The following ST6GALNAC3 variants were observed in gnomAD, a reference collection of about 807,000 sequenced individuals.
ST6GALNAC3 encodes the protein alpha-N-acetylgalactosaminide alpha-2,6-sialyltransferase 3.
In ST6GALNAC3, 25 loss-of-function variants were observed where a neutral mutation model predicts 32.7. That is an observed-to-expected ratio of 0.76 (90% CI 0.56 to 1.07). The LOEUF (loss-of-function observed/expected upper bound fraction) is 1.07. ST6GALNAC3 is among the 50% of genes least tolerant of loss of function. The probability of loss-of-function intolerance (pLI) is 0.00; values close to 1 mark genes in which losing one functional copy is unlikely to be tolerated. For synonymous variants in ST6GALNAC3, 129 were observed against 133.1 expected, an observed-to-expected ratio of 0.97 and a Z score of 0.21; for missense variants, 355 against 382.4, an observed-to-expected ratio of 0.93 and a Z score of 0.60.
intron 1 of ST6GALNAC3, among the ~76,000 whole-genome samples, chr1:76,095,849 G>C (rs562171011): frequency 1.3e-5 from 2 of 152,182 alleles, no homozygotes; most frequent in South Asian, 4.2e-4. Flanking sequence ...TCCCCTCAGG[G>C]CTGAATGAAA....
intron 2 of ST6GALNAC3, among the ~76,000 whole-genome samples, chr1:76,383,235 C>T (rs1416110811): frequency 6.6e-6 from 1 of 151,926 alleles, no homozygotes; most frequent in Non-Finnish European, 1.5e-5. Context: ...TTGTAAACAG[C>T]AAACCCACAT....
At chr1:76,188,452 A>G (rs953135615) in intron 1 of ST6GALNAC3, among the ~76,000 whole-genome samples, 2 of 152,168 alleles carry the variant, frequency 1.3e-5, no homozygotes, top group Admixed American at 6.5e-5. Context: ...CCCATGTACT[A>G]TTGGACTGGT....
intron 2 of ST6GALNAC3, among the ~76,000 whole-genome samples, chr1:76,339,738 G>T (rs1243300367): frequency 6.6e-6 from 1 of 152,056 alleles, no homozygotes; most frequent in Non-Finnish European, 1.5e-5. Context: ...GGACCACAGA[G>T]ACCAAGCAAC....
chr1:76,310,281 C>G (rs1249777975), intron 1 of ST6GALNAC3, among the ~76,000 whole-genome samples: 1 of 152,136 alleles, frequency 6.6e-6, no homozygotes, highest in African/African-American at 2.4e-5. Context: ...CTTGTAAGAT[C>G]CATCACTTCA....
intron 3 of ST6GALNAC3, among the ~76,000 whole-genome samples, chr1:76,615,075 G>T (rs1557628435): frequency 6.6e-6 from 1 of 152,116 alleles, no homozygotes; most frequent in South Asian, 2.1e-4. Context: ...CGAAGATGAT[G>T]CAGGGGGCTA....
At chr1:76,365,747 A>G (rs1650315374) in intron 2 of ST6GALNAC3, among the ~76,000 whole-genome samples, 1 of 152,132 alleles carries the variant, frequency 6.6e-6, no homozygotes, top group Non-Finnish European at 1.5e-5. Flanking sequence ...TGGCCTTTCA[A>G]TTTTTCAACA....
intron 1 of ST6GALNAC3, among the ~76,000 whole-genome samples, chr1:76,111,867 T>C (rs1330920008): frequency 1.3e-5 from 2 of 152,128 alleles, no homozygotes. Flanking sequence ...AACCATCTGA[T>C]TTCTCAATCT....
intron 1 of ST6GALNAC3, among the ~76,000 whole-genome samples, chr1:76,190,189 G>A (rs938482797): frequency 6.6e-6 from 1 of 152,078 alleles, no homozygotes; most frequent in Admixed American, 6.6e-5. Context: ...TCTATCATAG[G>A]TTGATAGGAT....
intron 1 of ST6GALNAC3, among the ~76,000 whole-genome samples, chr1:76,178,910 A>G (rs181710451): frequency 2.3e-4 from 35 of 152,254 alleles, no homozygotes; most frequent in African/African-American, 7.5e-4. Context: ...CTTGTCTACT[A>G]CTGTCACTGT....
chr1:76,138,101 T>C (rs1002248611), intron 1 of ST6GALNAC3, among the ~76,000 whole-genome samples: 1 of 152,242 alleles, frequency 6.6e-6, no homozygotes, highest in Non-Finnish European at 1.5e-5. Flanking sequence ...ATAAAATACT[T>C]CATTTTTGCT....
chr1:76,504,414 A>T (rs1044194199), intron 3 of ST6GALNAC3, among the ~76,000 whole-genome samples: 1 of 152,128 alleles, frequency 6.6e-6, no homozygotes, highest in Admixed American at 6.6e-5. Context: ...TCCATGTAAG[A>T]CGACATTCTG....
intron 3 of ST6GALNAC3, among the ~76,000 whole-genome samples, chr1:76,539,547 A>G (rs1381899302): frequency 6.6e-6 from 1 of 152,236 alleles, no homozygotes; most frequent in Non-Finnish European, 1.5e-5. Flanking sequence ...GCTTCTGCAC[A>G]GCAAAAGAAA....
intron 3 of ST6GALNAC3, among the ~76,000 whole-genome samples, chr1:76,476,698 C>A (rs571430038): frequency 3.9e-5 from 6 of 152,254 alleles, no homozygotes; most frequent in African/African-American, 1.4e-4. Context: ...CTCAGAGGAG[C>A]AGTTTGAATA....
intron 1 of ST6GALNAC3, among the ~76,000 whole-genome samples, chr1:76,278,205 T>TCCA (rs1553172671): frequency 6.9e-6 from 1 of 144,376 alleles, no homozygotes; most frequent in African/African-American, 2.8e-5. Flanking sequence ...TCATGTATTC[T>TCCA]CATTATTGCT....
At chr1:76,138,605 C>T (rs906124479) in intron 1 of ST6GALNAC3, among the ~76,000 whole-genome samples, 7 of 152,168 alleles carry the variant, frequency 4.6e-5, no homozygotes, top group African/African-American at 1.7e-4. Flanking sequence ...AACAGCCTTC[C>T]AAATAGAATG....
intron 1 of ST6GALNAC3, among the ~76,000 whole-genome samples, chr1:76,283,871 G>A (rs1659632143): frequency 6.6e-6 from 1 of 152,148 alleles, no homozygotes; most frequent in Non-Finnish European, 1.5e-5. Context: ...TTTTTCTTCA[G>A]ATGTTGGGAT....
chr1:76,102,995 T>G (rs1647290878), intron 1 of ST6GALNAC3, among the ~76,000 whole-genome samples: 1 of 152,144 alleles, frequency 6.6e-6, no homozygotes, highest in South Asian at 2.1e-4. Flanking sequence ...TCTGTTATGT[T>G]CTTTCAATAC....
chr1:76,118,162 C>A (rs186526808), intron 1 of ST6GALNAC3, among the ~76,000 whole-genome samples: 3 of 152,164 alleles, frequency 2.0e-5, no homozygotes, highest in East Asian at 1.9e-4. Context: ...CTGACGGGCC[C>A]CGGTGTGTGA....
intron 1 of ST6GALNAC3, among the ~76,000 whole-genome samples, chr1:76,158,078 A>C (rs887550117): frequency 2.0e-5 from 3 of 152,220 alleles, no homozygotes; most frequent in African/African-American, 7.2e-5. Context: ...GCCATCTGAT[A>C]AATATTTTCA....
Sources: allele counts gnomAD v4.1 joint callset (sites outside exome capture counted in the v4.1 genomes callset), GRCh38; gene constraint gnomAD v4.1.1; transcripts MANE v1.5; gene names NCBI Gene and HGNC (gene_info 2026-07-23, HGNC 2026-07-21).